FAM153A: variants seen among roughly 807,000 people sequenced by gnomAD.
The protein encoded by FAM153A is family with sequence similarity 153 member A.
Under a neutral mutation model 48.1 loss-of-function variants are expected in FAM153A, and 12 were observed. The observed-to-expected ratio is 0.25, with a 90% CI of 0.16 to 0.40. FAM153A has a LOEUF of 0.40. Ranked by LOEUF, FAM153A falls within the 10% of genes least tolerant of loss-of-function variation. The probability of loss-of-function intolerance (pLI) is 1.00; values close to 1 mark genes in which losing one functional copy is unlikely to be tolerated. For synonymous variants in FAM153A, 36 were observed against 118.2 expected (o/e 0.30, Z 4.51); for missense variants, 111 against 345.8 (o/e 0.32, Z 5.38).
chr5:177,711,802 G>A (rs1417726389), exon 27 of FAM153A: 1 of 151,792 alleles, frequency 6.6e-6, no homozygotes, highest in Non-Finnish European at 1.5e-5. Context: ...TTACTCTCAA[G>A]AAGCATTTGT....
intron 4 of FAM153A, among the ~76,000 whole-genome samples, chr5:177,746,527 C>T (rs1766030213): frequency 6.6e-6 from 1 of 151,388 alleles, no homozygotes; most frequent in African/African-American, 2.5e-5. Context: ...CCAAAATATT[C>T]TACATATTCA....
chr5:177,700,256 G>C, the FAM153A span, among the ~76,000 whole-genome samples: 8 of 151,938 alleles, frequency 5.3e-5, no homozygotes, highest in African/African-American at 1.9e-4. Context: ...GTAAAAGATT[G>C]AGAGCTTTCT....
chr5:177,750,967 G>A, exon 2 of FAM153A: 1 of 1,358,690 alleles, frequency 7.4e-7, no homozygotes, highest in Non-Finnish European at 9.8e-7. Flanking sequence ...ACCAGTGATA[G>A]GTGATTGGCT....
intron 1 of FAM153A, among the ~76,000 whole-genome samples, chr5:177,771,104 G>A (rs1478581019): frequency 1.0e-5 from 1 of 97,592 alleles, no homozygotes; most frequent in Non-Finnish European, 2.1e-5. Flanking sequence ...TTCTCAAATT[G>A]CAGTATAGAA....
upstream of FAM153A, among the ~76,000 whole-genome samples, chr5:177,754,556 C>T (rs567511690): frequency 6.6e-6 from 1 of 152,010 alleles, no homozygotes; most frequent in Admixed American, 6.5e-5. Flanking sequence ...GGTCCCTGAC[C>T]CCCAAGTAGC....
chr5:177,743,196 T>TTTG (rs1561923115), intron 6 of FAM153A, among the ~76,000 whole-genome samples: 132 of 47,978 alleles, frequency 2.8e-3, no homozygotes, highest in Non-Finnish European at 3.8e-3. Context: ...ACTTGTTTTT[T>TTTG]TTTTGTTTTG....
chr5:177,728,404 ACACT>A (rs1345909182), intron 18 of FAM153A, among the ~76,000 whole-genome samples: 4 of 149,360 alleles, frequency 2.7e-5, no homozygotes, highest in African/African-American at 5.1e-5. Context: ...AAATGCACAC[ACACT>A]CACAAAGACA....
At chr5:177,713,547 G>C (rs1414950646) in intron 26 of FAM153A, among the ~76,000 whole-genome samples, 1 of 151,232 alleles carries the variant, frequency 6.6e-6, no homozygotes, top group African/African-American at 2.4e-5. Flanking sequence ...GTGAGCAACC[G>C]TGCTCGGTCA....
At chr5:177,707,299 CAAAAAAGCATTT>C (rs1757957014), downstream of FAM153A, among the ~76,000 whole-genome samples, 2 of 151,740 alleles carry the variant, frequency 1.3e-5, no homozygotes, top group Non-Finnish European at 2.9e-5. Flanking sequence ...AAACAAATCT[CAAAAAAGCATTT>C]AAAAAATGAA....
At chr5:177,711,857 A>G (rs146359629) in exon 27 of FAM153A, 1 of 151,986 alleles carries the variant, frequency 6.6e-6, no homozygotes, top group Non-Finnish European at 1.5e-5. Flanking sequence ...ACCCCATTTC[A>G]TTAATGTTGG....
the FAM153A span, among the ~76,000 whole-genome samples, chr5:177,701,504 G>A: frequency 6.6e-6 from 1 of 151,820 alleles, no homozygotes; most frequent in Non-Finnish European, 1.5e-5. Context: ...GGTGGAGGTT[G>A]CAGTGAGCCA....
Position 177,739,505 on chromosome 5 carries a change from C to T in FAM153A, c.537+95G>A, listed in dbSNP as rs1320418863. ...AATTCTGTAAGTCATCTAAAATGTA[C>T]ATGGCAGTAAGATTTTCCTATCTTT... On this transcript the variant is annotated intron_variant, in intron 9 of 20. Coordinates refer to ENST00000614127, the Ensembl canonical transcript of FAM153A. 65 of 1,141,346 alleles carry T rather than the reference C, an allele frequency of 5.7e-5. 13 individuals carry two copies. The highest frequency in any genetic ancestry group is 7.6e-5 in the Non-Finnish European group (63 of 830,956). 70.7% of individuals were successfully genotyped at this position (1,141,346 alleles called of 1,614,324 possible).
intron 1 of FAM153A, among the ~76,000 whole-genome samples, chr5:177,774,073 AC>A (rs1156569557): frequency 2.0e-5 from 2 of 100,612 alleles, no homozygotes; most frequent in African/African-American, 4.0e-5. Flanking sequence ...AGATTTTGTC[AC>A]CACCAGGCCT....
downstream of FAM153A, chr5:177,722,075 C>G (rs1242864914): frequency 1.3e-5 from 2 of 149,168 alleles, no homozygotes; most frequent in South Asian, 4.2e-4. Flanking sequence ...GGAAACAATA[C>G]AAGAACAATT....
At chr5:177,699,244 G>C in the FAM153A span, among the ~76,000 whole-genome samples, 1 of 151,378 alleles carries the variant, frequency 6.6e-6, no homozygotes, top group Non-Finnish European at 1.5e-5. Flanking sequence ...AAAGAAGAAA[G>C]ATCTCAAATC....
intron 2 of FAM153A, among the ~76,000 whole-genome samples, 154 bp from the exon 5 acceptor site, chr5:177,748,853 G>T (rs535137361): frequency 1.5e-5 from 2 of 129,290 alleles, no homozygotes; most frequent in South Asian, 2.7e-4. Flanking sequence ...TGGGTGATGA[G>T]GGAAGGCAAA....
At chr5:177,732,445 C>T (rs1478075110) in intron 14 of FAM153A, among the ~76,000 whole-genome samples, 1 of 88,562 alleles carries the variant, frequency 1.1e-5, no homozygotes, top group Non-Finnish European at 2.4e-5. Flanking sequence ...TTTATCCCCT[C>T]GAGGTCATTT....
downstream of FAM153A, among the ~76,000 whole-genome samples, chr5:177,704,591 G>A (rs1396727266): frequency 2.0e-5 from 3 of 151,008 alleles, no homozygotes; most frequent in South Asian, 4.2e-4. Context: ...GTTTGAGGTC[G>A]GGCATGGTGG....
At chr5:177,759,122 C>T (rs1768049216) in intron 1 of FAM153A, among the ~76,000 whole-genome samples, 1 of 151,456 alleles carries the variant, frequency 6.6e-6, no homozygotes, top group Non-Finnish European at 1.5e-5. Context: ...CTCAAATTTA[C>T]AAGAAAAAAA....
Sources: gnomAD v4.1 joint callset for allele counts (sites outside exome capture counted in the v4.1 genomes callset) on GRCh38, gnomAD v4.1.1 for gene constraint, MANE v1.5 for transcripts, NCBI Gene and HGNC (gene_info 2026-07-23, HGNC 2026-07-21) for gene names.